Variants in GREB1L observed in about 807,000 individuals in gnomAD.
The protein encoded by GREB1L is GREB1 like retinoic acid receptor coactivator.
In GREB1L, 17 loss-of-function variants were observed where a neutral mutation model predicts 200.8. That is an observed-to-expected ratio of 0.08 (90% CI 0.06 to 0.13). The LOEUF is 0.13. Among genes scored for constraint, GREB1L ranks in the 10% least tolerant of loss-of-function variants. GREB1L has a pLI of 1.00. For missense variants in GREB1L, 1,657 were observed against 2,367.7 expected (o/e 0.70, Z 6.23); for synonymous variants, 789 against 893.0 (o/e 0.88, Z 2.08).
At chr18:21,449,907 T>C in intron 12 of GREB1L, 71 bp downstream of exon 12, 2 of 1,234,944 alleles carry the variant, frequency 1.6e-6, no homozygotes, top group Non-Finnish European at 2.2e-6. Context: ...AAAATGTGTG[T>C]TATGTGTTTC....
chr18:21,268,580 T>C (rs1197950330), intron 1 of GREB1L, among the ~76,000 whole-genome samples: 2 of 128,448 alleles, frequency 1.6e-5, no homozygotes, highest in Admixed American at 7.7e-5. Context: ...TATATATATA[T>C]ATATATATAT....
chr18:21,272,608 C>T (rs1484294079), intron 1 of GREB1L, among the ~76,000 whole-genome samples: 1 of 152,176 alleles, frequency 6.6e-6, no homozygotes, highest in Non-Finnish European at 1.5e-5. Context: ...GCCTCAAGCA[C>T]GTTATTTCCA....
intron 1 of GREB1L, among the ~76,000 whole-genome samples, chr18:21,302,730 T>G (rs765862780): frequency 8.5e-5 from 13 of 152,174 alleles, no homozygotes; most frequent in Admixed American, 2.0e-4. Flanking sequence ...TTTGTTTGTT[T>G]GTTTGTTTTG....
chr18:21,303,048 G>A (rs1172716860), intron 1 of GREB1L, among the ~76,000 whole-genome samples: 4 of 152,048 alleles, frequency 2.6e-5, no homozygotes, highest in Non-Finnish European at 5.9e-5. Context: ...GCAGAGACAG[G>A]GTTTCACCAT....
chr18:21,484,476 C>G (rs968916689), intron 17 of GREB1L, among the ~76,000 whole-genome samples: 6 of 152,140 alleles, frequency 3.9e-5, no homozygotes, highest in African/African-American at 1.4e-4. Flanking sequence ...GCCTTATTTC[C>G]TTTATGAGTT....
At chr18:21,393,672 G>A (rs547243493) in intron 4 of GREB1L, among the ~76,000 whole-genome samples, 84 of 152,130 alleles carry the variant, frequency 5.5e-4, no homozygotes, top group African/African-American at 1.9e-3. Context: ...CTCATGATCC[G>A]CCCGCTTCTG....
chr18:21,247,946 C>T (rs1230124942), intron 1 of GREB1L, among the ~76,000 whole-genome samples: 1 of 152,144 alleles, frequency 6.6e-6, no homozygotes, highest in East Asian at 1.9e-4. Flanking sequence ...CCTTCTGATA[C>T]TGAAGCACTG....
chr18:21,449,580 G>C lies in GREB1L; in HGVS notation c.1464G>C (p.Leu488=), dbSNP rs2034415537. 3 of 1,551,284 alleles carry C rather than the reference G, an allele frequency of 1.9e-6. No individual in the cohort carries two copies. The highest frequency in any genetic ancestry group is 2.6e-6 in the Non-Finnish European group (3 of 1,146,896). Residue 488 remains leucine (L), a synonymous_variant, in exon 12 of 33, where the codon CTG becomes CTC. Transcript: ENST00000424526. ...TGAAAGCTATGCAAGAATTTACTCT[G>C]AGAGAAAGAGCCCTGCAGATAGGTG... is the stretch of plus-strand genomic sequence containing the variant. ...IMLKAMQEFT[L]RERALQIGAQ...
At chr18:21,430,581 CT>C (rs147151717) in intron 7 of GREB1L, among the ~76,000 whole-genome samples, 16,186 of 59,126 alleles carry the variant, frequency 0.27, 2,138 homozygotes, top group African/African-American at 0.49. Context: ...GATTTGGGAT[CT>C]TTTTTTTTTT....
At chr18:21,242,995 C>G (rs2037529465) in intron 1 of GREB1L, among the ~76,000 whole-genome samples, 1 of 152,048 alleles carries the variant, frequency 6.6e-6, no homozygotes, top group South Asian at 2.1e-4. Context: ...TCCTCAACAC[C>G]AAATGTCACT....
At chr18:21,392,841 G>A (rs2040881594) in intron 4 of GREB1L, among the ~76,000 whole-genome samples, 1 of 151,858 alleles carries the variant, frequency 6.6e-6, no homozygotes, top group Non-Finnish European at 1.5e-5. Context: ...GCACAATCCT[G>A]GCTCACTGCA....
At chr18:21,253,949 G>C (rs1282971181) in intron 1 of GREB1L, among the ~76,000 whole-genome samples, 1 of 149,078 alleles carries the variant, frequency 6.7e-6, no homozygotes, top group Non-Finnish European at 1.5e-5. Flanking sequence ...GGATCCTCCT[G>C]CCTCAGCCTT....
intron 1 of GREB1L, among the ~76,000 whole-genome samples, chr18:21,243,761 T>A (rs2037548109): frequency 6.6e-6 from 1 of 152,228 alleles, no homozygotes; most frequent in Admixed American, 6.5e-5. Flanking sequence ...AAAATTAAAT[T>A]GTTGAAATAT....
chr18:21,387,227 G>A (rs1249990770), intron 4 of GREB1L, among the ~76,000 whole-genome samples: 1 of 152,194 alleles, frequency 6.6e-6, no homozygotes, highest in Non-Finnish European at 1.5e-5. Flanking sequence ...AGCTGGTTCT[G>A]TAAAGTTTTC....
chr18:21,258,673 T>C (rs1000368541), intron 1 of GREB1L, among the ~76,000 whole-genome samples: 2 of 152,204 alleles, frequency 1.3e-5, no homozygotes, highest in Admixed American at 1.3e-4. Flanking sequence ...GAAAAATAAA[T>C]TCAAAACAAT....
intron 1 of GREB1L, among the ~76,000 whole-genome samples, chr18:21,344,996 C>G (rs1457267216): frequency 6.6e-6 from 1 of 152,106 alleles, no homozygotes; most frequent in Non-Finnish European, 1.5e-5. Flanking sequence ...CAAATCTATT[C>G]CACTCTCTTC....
At chr18:21,324,148 A>G (rs2038989523) in intron 1 of GREB1L, among the ~76,000 whole-genome samples, 1 of 152,180 alleles carries the variant, frequency 6.6e-6, no homozygotes, top group Admixed American at 6.5e-5. Context: ...TTGTTACTAT[A>G]TTTGAATTGT....
chr18:21,502,650 T>C (rs7243355), intron 23 of GREB1L, among the ~76,000 whole-genome samples: 12,967 of 152,144 alleles, frequency 0.085, 1,863 homozygotes, highest in African/African-American at 0.3. Flanking sequence ...TACATCTCCT[T>C]GTTTTTTTCC....
chr18:21,351,351 A>T (rs1271310651), intron 1 of GREB1L, among the ~76,000 whole-genome samples: 1 of 152,086 alleles, frequency 6.6e-6, no homozygotes, highest in Non-Finnish European at 1.5e-5. Flanking sequence ...GAGCCAGGTG[A>T]ATCACAAGGT....
Sources: gnomAD v4.1 joint callset for allele counts (sites outside exome capture counted in the v4.1 genomes callset) on GRCh38, gnomAD v4.1.1 for gene constraint, MANE v1.5 for transcripts, NCBI Gene and HGNC (gene_info 2026-07-23, HGNC 2026-07-21) for gene names.